NCAM2: variants seen among roughly 807,000 people sequenced by gnomAD.
NCAM2 encodes neural cell adhesion molecule 2.
Under a neutral mutation model 98.1 loss-of-function variants are expected in NCAM2, and 30 were observed. The ratio of observed to expected loss-of-function variants is 0.31; its 90% CI spans 0.23 to 0.41. The LOEUF is 0.41. NCAM2 is among the 10% of genes least tolerant of loss of function. The pLI, the probability that NCAM2 is intolerant of heterozygous loss-of-function variation, is 1.00. For missense variants in NCAM2, 867 were observed against 1,005.8 expected (o/e 0.86, Z 1.87); for synonymous variants, 368 against 342.4 (o/e 1.07, Z -0.83).
At chr21:21,389,467 C>T (rs969220631) in intron 9 of NCAM2, among the ~76,000 whole-genome samples, 1 of 152,174 alleles carries the variant, frequency 6.6e-6, no homozygotes, top group African/African-American at 2.4e-5. Flanking sequence ...GCTATTTTGA[C>T]ATATACAGTA....
At chr21:21,249,671 A>ATTAT (rs1241054862) in intron 1 of NCAM2, among the ~76,000 whole-genome samples, 10 of 126,648 alleles carry the variant, frequency 7.9e-5, no homozygotes, top group African/African-American at 3.1e-4. Context: ...CACCCCCACA[A>ATTAT]TTATTTATTT....
chr21:21,291,408 C>T (rs2073286877), intron 4 of NCAM2, among the ~76,000 whole-genome samples: 1 of 151,886 alleles, frequency 6.6e-6, no homozygotes, highest in South Asian at 2.1e-4. Flanking sequence ...TCACAGATTA[C>T]TGTAGCAGAT....
At chr21:21,341,500 C>T (rs2075035665) in intron 8 of NCAM2, among the ~76,000 whole-genome samples, 1 of 152,028 alleles carries the variant, frequency 6.6e-6, no homozygotes, top group Admixed American at 6.6e-5. Context: ...GGCTTGGGAA[C>T]TATAAAACAA....
intron 1 of NCAM2, among the ~76,000 whole-genome samples, chr21:21,083,078 T>C (rs944311177): frequency 1.3e-5 from 2 of 152,204 alleles, no homozygotes; most frequent in Non-Finnish European, 2.9e-5. Flanking sequence ...TTATGCATTT[T>C]TGAGGTAAGG....
intron 1 of NCAM2, among the ~76,000 whole-genome samples, chr21:21,063,972 G>T (rs1215087640): frequency 6.6e-6 from 1 of 152,164 alleles, no homozygotes; most frequent in East Asian, 1.9e-4. Flanking sequence ...AAGTTAATTT[G>T]TTTGGATTTG....
chr21:21,142,182 T>A (rs2067180774), intron 1 of NCAM2, among the ~76,000 whole-genome samples: 1 of 152,154 alleles, frequency 6.6e-6, no homozygotes. Context: ...ACAACTAATA[T>A]GAATACTATA....
In NCAM2 at chr21:21,539,350, C is replaced by A. The variant is rs377756584; in HGVS notation, c.*1393C>A. ...CTTGAGAGCCAAAGGTTTCCTTAGG[C>A]CCTGTAACATTCAGAACCTTTGGTG... On this transcript the variant is annotated 3_prime_UTR_variant, in exon 18 of 18. Transcript: ENST00000400546. The A allele has an allele frequency of 3.6e-4, 55 of 152,210 alleles. No homozygotes were observed. The highest frequency in any genetic ancestry group is 1.3e-3 in the African/African-American group (53 of 41,552). 9.4% of individuals were successfully genotyped at this position (152,210 alleles called of 1,614,324 possible).
In NCAM2 at chr21:21,452,818, T is replaced by C. The variant is rs1981417410; in HGVS notation, c.1655-13788T>C. Among the ~76,000 whole-genome samples the C allele has an allele frequency of 2.9e-5, 3 of 104,128 alleles. No individual in the cohort carries two copies. The South Asian group carries it at 8.3e-4, about 29-fold the overall frequency. The allele number at this position is 104,128 out of a possible 152,430, so 68.3% of individuals were successfully genotyped here. On this transcript the variant is annotated intron_variant, in intron 12 of 17. Coordinates refer to ENST00000400546, the MANE Select transcript of NCAM2 (RefSeq NM_004540.5). The stretch of plus-strand genomic sequence containing the variant: ...TAAAATATAGTATTACTTTATATAT[T>C]ATATAATATATATAATATATAATGT...
intron 15 of NCAM2, among the ~76,000 whole-genome samples, chr21:21,481,647 C>T (rs947230338): frequency 2.0e-5 from 3 of 151,980 alleles, no homozygotes; most frequent in Non-Finnish European, 4.4e-5. Flanking sequence ...CTAGATGAAA[C>T]AAATCAAGGA....
At chr21:21,041,989 G>A (rs570133625) in intron 1 of NCAM2, among the ~76,000 whole-genome samples, 1 of 152,278 alleles carries the variant, frequency 6.6e-6, no homozygotes, top group South Asian at 2.1e-4. Context: ...GTTGAATGAC[G>A]ATGCCAACTT....
chr21:21,522,908 G>A (rs1346417791), intron 16 of NCAM2, among the ~76,000 whole-genome samples: 1 of 152,124 alleles, frequency 6.6e-6, no homozygotes, highest in East Asian at 1.9e-4. Flanking sequence ...TCAGGCGTGA[G>A]CCACTGTGCC....
intron 9 of NCAM2, among the ~76,000 whole-genome samples, chr21:21,374,315 G>A (rs1322439772): frequency 6.6e-6 from 1 of 151,610 alleles, no homozygotes; most frequent in African/African-American, 2.4e-5. Flanking sequence ...ATCAGTAATT[G>A]GTCGATATCA....
chr21:21,233,452 AAT>A (rs568651822), intron 1 of NCAM2, among the ~76,000 whole-genome samples: 46 of 151,750 alleles, frequency 3.0e-4, no homozygotes, highest in African/African-American at 1.0e-3. Flanking sequence ...CCTTAGAAGC[AAT>A]AGAGTATTTT....
chr21:21,186,844 C>A (rs1432733448), intron 1 of NCAM2, among the ~76,000 whole-genome samples: 1 of 151,868 alleles, frequency 6.6e-6, no homozygotes, highest in African/African-American at 2.4e-5. Flanking sequence ...AACAAAAATA[C>A]GATTGTAAAT....
chr21:21,346,558 C>G (rs1290178078), intron 8 of NCAM2, among the ~76,000 whole-genome samples: 1 of 152,040 alleles, frequency 6.6e-6, no homozygotes, highest in Non-Finnish European at 1.5e-5. Context: ...TAGAACATTT[C>G]ATCCAATGGC....
At chr21:21,028,152 C>T (rs988959857) in intron 1 of NCAM2, among the ~76,000 whole-genome samples, 21 of 152,166 alleles carry the variant, frequency 1.4e-4, no homozygotes, top group African/African-American at 4.1e-4. Context: ...CATGAGCCAC[C>T]GTGCCCAGCC....
chr21:21,272,156 A>C (rs949286781), intron 1 of NCAM2, among the ~76,000 whole-genome samples: 1 of 152,312 alleles, frequency 6.6e-6, no homozygotes, highest in African/African-American at 2.4e-5. Context: ...AGTGGGAAGT[A>C]TATTTGTTCT....
chr21:21,423,050 T>G (rs991231557), intron 11 of NCAM2, among the ~76,000 whole-genome samples: 1 of 152,118 alleles, frequency 6.6e-6, no homozygotes, highest in Non-Finnish European at 1.5e-5. Context: ...CATTTATATA[T>G]TTTTAAATTT....
intron 1 of NCAM2, among the ~76,000 whole-genome samples, chr21:21,104,787 A>G (rs1012324889): frequency 1.3e-5 from 2 of 152,156 alleles, no homozygotes; most frequent in African/African-American, 4.8e-5. Flanking sequence ...TGCGTGATCA[A>G]TACAATATGG....
Sources: gnomAD v4.1 joint callset for allele counts (sites outside exome capture counted in the v4.1 genomes callset) on GRCh38, gnomAD v4.1.1 for gene constraint, MANE v1.5 for transcripts, NCBI Gene and HGNC (gene_info 2026-07-23, HGNC 2026-07-21) for gene names.